The following XYLT1 variants were observed in gnomAD, a reference collection of about 807,000 sequenced individuals.
XYLT1 encodes beta-D-xylosyltransferase 1.
A neutral mutation model predicts 91.3 loss-of-function variants in XYLT1; 36 were observed. The ratio of observed to expected loss-of-function variants is 0.39; its 90% CI spans 0.30 to 0.52. The LOEUF (loss-of-function observed/expected upper bound fraction) is 0.52. XYLT1 is among the 20% of genes least tolerant of loss of function. The pLI, the probability that XYLT1 is intolerant of heterozygous loss-of-function variation, is 0.68. For missense variants in XYLT1, 1,242 were observed against 1,284.5 expected (o/e 0.97, Z 0.51); for synonymous variants, 588 against 532.0 (o/e 1.11, Z -1.45).
chr16:17,170,090 T>C (rs1454473798), intron 5 of XYLT1, among the ~76,000 whole-genome samples: 1 of 152,134 alleles, frequency 6.6e-6, no homozygotes, highest in Non-Finnish European at 1.5e-5. Context: ...CATTTAACAA[T>C]GGTCTATGAG....
chr16:17,126,300 C>T (rs1000950392), intron 10 of XYLT1, among the ~76,000 whole-genome samples: 3 of 152,142 alleles, frequency 2.0e-5, no homozygotes, highest in Non-Finnish European at 2.9e-5. Flanking sequence ...ACAGGGAGAG[C>T]CCAGACACCA....
At chr16:17,170,039 A>C (rs1387090857) in intron 5 of XYLT1, among the ~76,000 whole-genome samples, 1 of 152,192 alleles carries the variant, frequency 6.6e-6, no homozygotes, top group Admixed American at 6.5e-5. Context: ...CAAGTTCCTC[A>C]GGCTCACTGA....
chr16:17,239,214 A>G (rs949432199), intron 3 of XYLT1, among the ~76,000 whole-genome samples: 7 of 133,020 alleles, frequency 5.3e-5, no homozygotes, highest in East Asian at 2.1e-4. Flanking sequence ...CCATCCATCC[A>G]TCCATTCATC....
At chr16:17,161,291 G>A (rs1359330266) in intron 5 of XYLT1, among the ~76,000 whole-genome samples, 1 of 152,186 alleles carries the variant, frequency 6.6e-6, no homozygotes, top group Admixed American at 6.5e-5. Flanking sequence ...ATGACATCTT[G>A]GGGGAGGGAG....
At chr16:17,287,939 C>CTTTT (rs34525791) in intron 2 of XYLT1, among the ~76,000 whole-genome samples, 8 of 144,648 alleles carry the variant, frequency 5.5e-5, no homozygotes, top group Admixed American at 1.4e-4. Flanking sequence ...CATAATTTTT[C>CTTTT]TTTTTTTTTT....
intron 2 of XYLT1, among the ~76,000 whole-genome samples, chr16:17,266,786 G>A (rs954217743): frequency 1.3e-5 from 2 of 152,210 alleles, no homozygotes; most frequent in African/African-American, 2.4e-5. Context: ...AATCACCAAG[G>A]CTACCAAGGC....
rs1555454985 is a variant in XYLT1, at chr16:17,410,645, C to CCTTT, written c.364-52596_364-52595insAAAG. Among the ~76,000 whole-genome samples, 7 of 93,030 alleles carry CCTTT rather than the reference C, an allele frequency of 7.5e-5. 1 individual carries two copies. The highest frequency in any genetic ancestry group is 4.8e-5 in the Non-Finnish European group (2 of 41,922). 61.0% of individuals were successfully genotyped at this position (93,030 alleles called of 152,430 possible). Reference sequence around the variant, plus strand: ...AGCCAAACCATATCACCTGTCATTACTTTTTTTTTTTTTTTTTTTTGAGAT... The same window carrying CCTTT: ...AGCCAAACCATATCACCTGTCATTACCTTTTTTTTTTTTTTTTTTTTTTTGAGAT... On this transcript the variant is annotated intron_variant, in intron 1 of 11. Transcript: ENST00000261381.
intron 1 of XYLT1, among the ~76,000 whole-genome samples, chr16:17,455,102 C>A (rs2311445): frequency 0.11 from 17,168 of 151,910 alleles, 1,042 homozygotes; most frequent in Middle Eastern, 0.16. Context: ...GATTCCATTT[C>A]TAAAAAGAGG....
At chr16:17,165,317 C>T (rs1450268454) in intron 5 of XYLT1, among the ~76,000 whole-genome samples, 1 of 152,112 alleles carries the variant, frequency 6.6e-6, no homozygotes, top group African/African-American at 2.4e-5. Context: ...TGTGTAATGA[C>T]CTATGCTGCT....
At chr16:17,448,018 C>T (rs1323246580) in intron 1 of XYLT1, among the ~76,000 whole-genome samples, 1 of 152,186 alleles carries the variant, frequency 6.6e-6, no homozygotes, top group Non-Finnish European at 1.5e-5. Flanking sequence ...GAAACATACA[C>T]ATCAATTGTA....
chr16:17,415,837 G>A (rs958581170), intron 1 of XYLT1, among the ~76,000 whole-genome samples: 5 of 152,172 alleles, frequency 3.3e-5, no homozygotes, highest in African/African-American at 1.2e-4. Flanking sequence ...CACGGGAAGT[G>A]TTGAATAAAG....
intron 2 of XYLT1, among the ~76,000 whole-genome samples, chr16:17,298,206 G>A (rs1224472969): frequency 6.6e-6 from 1 of 152,124 alleles, no homozygotes; most frequent in Non-Finnish European, 1.5e-5. Context: ...GGTTCCGTCA[G>A]GTGACAGCCA....
intron 5 of XYLT1, among the ~76,000 whole-genome samples, chr16:17,180,899 C>G (rs1460694574): frequency 1.3e-5 from 2 of 152,176 alleles, no homozygotes; most frequent in South Asian, 2.1e-4. Context: ...TCCTAGGAAG[C>G]TGACCTGCCC....
intron 2 of XYLT1, among the ~76,000 whole-genome samples, chr16:17,296,694 C>G (rs1030594609): frequency 6.6e-6 from 1 of 152,222 alleles, no homozygotes; most frequent in Admixed American, 6.5e-5. Context: ...TGACCTCTGG[C>G]TTACACCAAA....
At chr16:17,372,358 A>G in intron 1 of XYLT1, among the ~76,000 whole-genome samples, 1 of 152,242 alleles carries the variant, frequency 6.6e-6, no homozygotes, top group Admixed American at 6.5e-5. Context: ...TTCAAAAATT[A>G]AGGCTAATTA....
chr16:17,112,695 C>A (rs930723505), intron 11 of XYLT1, among the ~76,000 whole-genome samples: 2 of 152,164 alleles, frequency 1.3e-5, no homozygotes, highest in Non-Finnish European at 2.9e-5. Context: ...CTGGTCAGCT[C>A]TGGAGGGGCT....
chr16:17,349,145 C>T (rs2035185845), intron 2 of XYLT1, among the ~76,000 whole-genome samples: 1 of 152,218 alleles, frequency 6.6e-6, no homozygotes, highest in South Asian at 2.1e-4. Flanking sequence ...CAAACCGTGC[C>T]ACAGCCTGGG....
At chr16:17,382,966 G>A (rs1477792147) in intron 1 of XYLT1, among the ~76,000 whole-genome samples, 6 of 151,812 alleles carry the variant, frequency 4.0e-5, no homozygotes, top group Non-Finnish European at 7.3e-5. Flanking sequence ...TGACTGCAGA[G>A]GACAAATTTC....
chr16:17,369,758 G>A (rs2035504780), intron 1 of XYLT1: 1 of 152,246 alleles, frequency 6.6e-6, no homozygotes, highest in Non-Finnish European at 1.5e-5. Flanking sequence ...CAGAAGGGAG[G>A]TGCCCGTGCA....
Sources: gnomAD v4.1 joint callset for allele counts (sites outside exome capture counted in the v4.1 genomes callset) on GRCh38, gnomAD v4.1.1 for gene constraint, MANE v1.5 for transcripts, NCBI Gene and HGNC (gene_info 2026-07-23, HGNC 2026-07-21) for gene names.